Variants in IPMK observed in about 807,000 individuals in gnomAD.
IPMK encodes inositol polyphosphate multikinase, also known as inositol 1,3,4,6-tetrakisphosphate 5-kinase.
In IPMK, 17 loss-of-function variants were observed where a neutral mutation model predicts 45.8. The ratio of observed to expected loss-of-function variants is 0.37; its 90% CI spans 0.25 to 0.56. The LOEUF is 0.56. IPMK is among the 20% of genes least tolerant of loss of function. The probability of loss-of-function intolerance (pLI) is 0.79; values close to 1 mark genes in which losing one functional copy is unlikely to be tolerated. For synonymous variants in IPMK, 180 were observed against 184.3 expected, an observed-to-expected ratio of 0.98 and a Z score of 0.19; for missense variants, 399 against 498.0, an observed-to-expected ratio of 0.80 and a Z score of 1.89.
chr10:58,246,089 C>G (rs1165611126), intron 1 of IPMK, among the ~76,000 whole-genome samples: 1 of 130,710 alleles, frequency 7.7e-6, no homozygotes, highest in Non-Finnish European at 1.5e-5. Flanking sequence ...AGGAATCCAA[C>G]TTACAAGGGA....
intron 4 of IPMK, among the ~76,000 whole-genome samples, chr10:58,204,355 A>C (rs1470580499): frequency 6.6e-6 from 1 of 152,230 alleles, no homozygotes; most frequent in Non-Finnish European, 1.5e-5. Flanking sequence ...CAGAATGATA[A>C]GCAAAAGCAA....
rs544241849 is a variant in IPMK, at chr10:58,199,615, C to T, written c.547-294G>A. On this transcript the variant is annotated intron_variant, in intron 4 of 5. Coordinates refer to ENST00000373935, the MANE Select transcript of IPMK (RefSeq NM_152230.5). ...TTAGTCTCAAGTTTAAAGGAGAGAA[C>T]TGAAAAAGCACTTCTTTTAAAATAC... Among the ~76,000 whole-genome samples, 4 of 152,234 alleles carry T rather than the reference C, an allele frequency of 2.6e-5. No individual in the cohort carries two copies. In the South Asian group the frequency reaches 8.3e-4, roughly 32 times the overall value.
rs1837833436 is a variant in IPMK at position 58,192,586 on chromosome 10, C to T, written c.*3490G>A. ...TATATCTCTATTTTAATTAAGTCCC[C>T]AATCCCACCCCATCCAAAGAGAATG... On this transcript the variant is annotated 3_prime_UTR_variant, in exon 6 of 6. Transcript: ENST00000373935. The T allele has an allele frequency of 6.6e-6, 1 of 151,896 alleles. No individual in the cohort carries two copies. Among genetic ancestry groups the T allele is most frequent in the African/African-American group, 2.4e-5 (1 of 41,390 alleles). The allele number at this position is 151,896 out of a possible 1,614,324, so 9.4% of individuals were successfully genotyped here.
intron 1 of IPMK, among the ~76,000 whole-genome samples, chr10:58,265,498 A>G (rs557813683): frequency 6.6e-6 from 1 of 152,296 alleles, no homozygotes; most frequent in East Asian, 1.9e-4. Flanking sequence ...TTTTACAAAT[A>G]GGGAATATAT....
intron 4 of IPMK, among the ~76,000 whole-genome samples, chr10:58,209,279 T>A (rs1838121133): frequency 6.6e-6 from 1 of 152,150 alleles, no homozygotes; most frequent in African/African-American, 2.4e-5. Context: ...TTCTCCAAGG[T>A]CCTTCATGAT....
chr10:58,238,127 T>G (rs2132165706), intron 1 of IPMK, among the ~76,000 whole-genome samples: 1 of 152,342 alleles, frequency 6.6e-6, no homozygotes, highest in South Asian at 2.1e-4. Context: ...AGGCTTTCTG[T>G]AAGATGTTAA....
intron 2 of IPMK, among the ~76,000 whole-genome samples, chr10:58,235,258 C>T (rs187173249): frequency 9.1e-4 from 139 of 152,208 alleles, no homozygotes; most frequent in African/African-American, 3.3e-3. Flanking sequence ...GACAGTGTGG[C>T]GATTCCTCAA....
intron 1 of IPMK, among the ~76,000 whole-genome samples, chr10:58,250,416 T>TTTG (rs57197711): frequency 0.34 from 50,933 of 151,402 alleles, 10,744 homozygotes; most frequent in African/African-American, 0.61. Flanking sequence ...TCCTAGGGTT[T>TTTG]TTGTTGTTGT....
chr10:58,233,390 C>T (rs1431497418), intron 2 of IPMK, among the ~76,000 whole-genome samples: 12 of 152,058 alleles, frequency 7.9e-5, no homozygotes, highest in African/African-American at 2.7e-4. Context: ...TTTAGACCAA[C>T]GTCCCTGATG....
chr10:58,220,891 G>A (rs2790242), intron 3 of IPMK, among the ~76,000 whole-genome samples: 51,488 of 152,072 alleles, frequency 0.34, 10,966 homozygotes, highest in African/African-American at 0.61. Context: ...TCACTGATAA[G>A]TATTAAAACC....
At chr10:58,239,623 C>G (rs1360605610) in intron 1 of IPMK, among the ~76,000 whole-genome samples, 1 of 152,148 alleles carries the variant, frequency 6.6e-6, no homozygotes, top group Non-Finnish European at 1.5e-5. Flanking sequence ...ATTGCTTCGT[C>G]CAATATGTCT....
intron 4 of IPMK, among the ~76,000 whole-genome samples, chr10:58,201,111 A>T (rs1355085001): frequency 6.6e-6 from 1 of 152,246 alleles, no homozygotes. Context: ...TAATAAACAT[A>T]TATGCAGTAT....
chr10:58,246,474 G>C (rs1295914182), intron 1 of IPMK, among the ~76,000 whole-genome samples: 1 of 143,222 alleles, frequency 7.0e-6, no homozygotes, highest in Admixed American at 6.7e-5. Flanking sequence ...CAATGGAACA[G>C]AAAAGAGCCC....
At chr10:58,237,513 C>A (rs1345132860) in intron 2 of IPMK, among the ~76,000 whole-genome samples, 1 of 152,094 alleles carries the variant, frequency 6.6e-6, no homozygotes, top group Non-Finnish European at 1.5e-5. Context: ...AAGTATCTAC[C>A]ATAAACACAG....
At position 58,193,509 on chromosome 10, in the gene IPMK, T is replaced by G. The variant is rs1837846074; in HGVS notation, c.*2567A>C. 1 of 151,896 alleles carries G rather than the reference T, an allele frequency of 6.6e-6. No homozygotes were observed. Among genetic ancestry groups the G allele is most frequent in the African/African-American group, 2.4e-5 (1 of 41,450 alleles). The allele number at this position is 151,896 out of a possible 1,614,324, so 9.4% of individuals were successfully genotyped here. On this transcript the variant is annotated 3_prime_UTR_variant, in exon 6 of 6. Coordinates refer to ENST00000373935, the MANE Select transcript of IPMK (RefSeq NM_152230.5). ...TCATTGATTTTAATTTATTTGAATC[T>G]ATGCAATGTCTATCCATATTAAAAT...
intron 3 of IPMK, among the ~76,000 whole-genome samples, chr10:58,222,183 T>C (rs571232854): frequency 1.8e-4 from 27 of 152,306 alleles, no homozygotes; most frequent in Non-Finnish European, 3.1e-4. Context: ...ATGTGCCTGG[T>C]AAGATAGATG....
intron 1 of IPMK, among the ~76,000 whole-genome samples, chr10:58,265,797 C>G (rs573372421): frequency 6.6e-6 from 1 of 152,284 alleles, no homozygotes; most frequent in East Asian, 1.9e-4. Flanking sequence ...TGCAATCACT[C>G]TGAATGGGAT....
At chr10:58,247,112 T>G (rs1190881700) in intron 1 of IPMK, among the ~76,000 whole-genome samples, 1 of 146,120 alleles carries the variant, frequency 6.8e-6, no homozygotes, top group African/African-American at 2.7e-5. Context: ...GAGAGACCAT[T>G]TCACACCAGT....
At chr10:58,259,266 A>G (rs1588973870) in intron 1 of IPMK, among the ~76,000 whole-genome samples, 1 of 152,302 alleles carries the variant, frequency 6.6e-6, no homozygotes, top group East Asian at 1.9e-4. Context: ...GAGACAGGGA[A>G]AACACAAAAG....
Sources: allele counts gnomAD v4.1 joint callset (sites outside exome capture counted in the v4.1 genomes callset), GRCh38; gene constraint gnomAD v4.1.1; transcripts MANE v1.5; gene names NCBI Gene and HGNC (gene_info 2026-07-23, HGNC 2026-07-21).